TET2: variants seen among roughly 807,000 people sequenced by gnomAD.
TET2 encodes methylcytosine dioxygenase TET2.
TET2 carries 299 observed loss-of-function variants against 142.9 expected under a neutral mutation model. The observed-to-expected ratio is 2.09, with a 90% CI of 1.90 to 2.30. The LOEUF is 2.30. Among genes scored for constraint, TET2 ranks in the 30% most tolerant of loss-of-function variants. TET2 has a pLI of 0.00. For synonymous variants in TET2, 819 were observed against 849.0 expected (o/e 0.96, Z 0.61); for missense variants, 2,418 against 2,378.0 (o/e 1.02, Z -0.35).
At chr4:105,194,387 A>C (rs894435717) in intron 2 of TET2, among the ~76,000 whole-genome samples, 5 of 152,124 alleles carry the variant, frequency 3.3e-5, no homozygotes, top group African/African-American at 1.2e-4. Context: ...TCAGTAGTAT[A>C]AGGAGGAATG....
intron 2 of TET2, among the ~76,000 whole-genome samples, chr4:105,198,434 T>C (rs922436084): frequency 6.6e-6 from 1 of 152,226 alleles, no homozygotes; most frequent in Non-Finnish European, 1.5e-5. Flanking sequence ...AAATATATTT[T>C]TTAAAACTTA....
chr4:105,260,465 A>G (rs1203227524), intron 7 of TET2, among the ~76,000 whole-genome samples: 1 of 151,978 alleles, frequency 6.6e-6, no homozygotes, highest in Non-Finnish European at 1.5e-5. Context: ...CCTAAAGTAA[A>G]AAAAAAACGA....
At position 105,275,052 on chromosome 4, in the gene TET2, T is replaced by C. The variant is rs1217943123; in HGVS notation, c.4542T>C (p.Leu1514=). ...NASQAKQLAE[L]LRLSGPVMQQ... ...TCTCTCTTACCCTGTCCACAGAACTTTTGCGACTTTCAGGACCAGTCATGC... is the reference window on the plus strand; with the variant it reads ...TCTCTCTTACCCTGTCCACAGAACTCTTGCGACTTTCAGGACCAGTCATGC... Residue 1514 remains leucine, a synonymous_variant, in exon 11 of 11, where the codon CTT becomes CTC. Transcript: ENST00000380013. 3 of 1,525,312 alleles carry C rather than the reference T, an allele frequency of 2.0e-6. No homozygotes were observed. The highest frequency in any genetic ancestry group is 2.6e-6 in the Non-Finnish European group (3 of 1,135,924). The allele number at this position is 1,525,312 out of a possible 1,614,324, so 94.5% of individuals were successfully genotyped here.
chr4:105,261,818 GA>G lies in TET2; in HGVS notation c.4017del (p.Lys1339AsnfsTer24). ...LSTLMAPTYK[K>X]LAPDAYNNQI... ...CCACTCTTATGGCACCAACATATAA[GA>G]AACTTGCACCTGATGCATATAATAA... is the stretch of plus-strand genomic sequence containing the variant. On this transcript the variant is annotated frameshift_variant, in exon 8 of 11. Coordinates refer to ENST00000380013, the MANE Select transcript of TET2 (RefSeq NM_001127208.3). LOFTEE classifies it high-confidence loss of function. 6.5e-7 allele frequency: 1 copy of G among 1,549,040 alleles called. No homozygotes were observed. Among genetic ancestry groups the G allele is most frequent in the Non-Finnish European group, 8.7e-7 (1 of 1,145,382 alleles).
At chr4:105,240,214 C>A in intron 3 of TET2, 1 of 353,768 alleles carries the variant, frequency 2.8e-6, no homozygotes, top group Non-Finnish European at 4.6e-6. Flanking sequence ...AAAAATGACA[C>A]TGATAGACAT....
At chr4:105,160,101 G>C (rs1723774489) in intron 1 of TET2, among the ~76,000 whole-genome samples, 1 of 152,108 alleles carries the variant, frequency 6.6e-6, no homozygotes, top group Admixed American at 6.6e-5. Context: ...AAACACTCAA[G>C]AAAACTCTTG....
At chr4:105,201,621 T>C (rs1726472215) in intron 2 of TET2, among the ~76,000 whole-genome samples, 1 of 152,044 alleles carries the variant, frequency 6.6e-6, no homozygotes, top group African/African-American at 2.4e-5. Context: ...TAATTATAGA[T>C]TGTACTAAGC....
intron 2 of TET2, among the ~76,000 whole-genome samples, chr4:105,227,663 A>G (rs1180923917): frequency 2.6e-5 from 4 of 152,198 alleles, no homozygotes; most frequent in Non-Finnish European, 5.9e-5. Context: ...TGAGTCATTT[A>G]TAAGAGCAGA....
In TET2 at chr4:105,236,427, A is replaced by C. The variant is rs1728916520; in HGVS notation, c.2485A>C (p.Lys829Gln). The change falls in exon 3 of 11, where the codon AAA becomes CAA. Residue 829 changes from lysine (K) to glutamine (Q), a missense_variant. By Grantham distance (53) the Lys-to-Gln change is moderately conservative (BLOSUM62 1). Transcript: ENST00000380013. ...YSQTMKSSAC[K>Q]IQVSCSNNTH... ...TCAGACCATGAAATCAAGTGCATGC[A>C]AAATACAGGTTTCTTGTTCAAACAA... 1.2e-6 allele frequency: 2 copies of C among 1,614,118 alleles called. No individual in the cohort carries two copies. Among genetic ancestry groups the C allele is most frequent in the Non-Finnish European group, 1.7e-6 (2 of 1,180,014 alleles).
At chr4:105,220,638 G>T (rs1727759682) in intron 2 of TET2, among the ~76,000 whole-genome samples, 1 of 152,140 alleles carries the variant, frequency 6.6e-6, no homozygotes, top group African/African-American at 2.4e-5. Context: ...AACAAGACTG[G>T]AGGACTTTGG....
At chr4:105,183,324 T>C (rs1490280021) in intron 1 of TET2, among the ~76,000 whole-genome samples, 1 of 152,168 alleles carries the variant, frequency 6.6e-6, no homozygotes, top group African/African-American at 2.4e-5. Flanking sequence ...TATAGTTATA[T>C]ATTACAATGT....
intron 2 of TET2, among the ~76,000 whole-genome samples, chr4:105,191,598 A>G (rs905104316): frequency 2.4e-4 from 36 of 152,158 alleles, no homozygotes; most frequent in African/African-American, 8.7e-4. Flanking sequence ...CAAATCTTCT[A>G]ATAAGCCTGT....
chr4:105,264,299 C>T (rs2726461), intron 8 of TET2, among the ~76,000 whole-genome samples: 123,661 of 152,060 alleles, frequency 0.81, 50,982 homozygotes, highest in African/African-American at 0.94. Flanking sequence ...TTGATACTGT[C>T]GTAAAAGTTT....
At chr4:105,245,526 C>G (rs1729543145) in intron 6 of TET2, among the ~76,000 whole-genome samples, 1 of 152,066 alleles carries the variant, frequency 6.6e-6, no homozygotes, top group South Asian at 2.1e-4. Flanking sequence ...GACAGGGTTT[C>G]TCCATGTTGA....
chr4:105,250,380 ATTTTTTTTTTTTTTTTTTT>A (rs59695275), intron 6 of TET2, among the ~76,000 whole-genome samples: 1 of 60,276 alleles, frequency 1.7e-5, no homozygotes, highest in African/African-American at 7.2e-5. Flanking sequence ...TCCTTTCTGG[ATTTTTTTTTTTTTTTTTTT>A]TTTTTTTTTT....
At chr4:105,194,154 T>C (rs190942001) in intron 2 of TET2, among the ~76,000 whole-genome samples, 56 of 152,300 alleles carry the variant, frequency 3.7e-4, no homozygotes, top group Non-Finnish European at 7.6e-4. Flanking sequence ...TAGTGGTTTG[T>C]ATTTTGCTGG....
chr4:105,267,083 C>G (rs1730715682), intron 8 of TET2, among the ~76,000 whole-genome samples: 1 of 151,352 alleles, frequency 6.6e-6, no homozygotes, highest in Admixed American at 6.6e-5. Flanking sequence ...GTAAGAGAAA[C>G]ATCTTTAACA....
intron 2 of TET2, among the ~76,000 whole-genome samples, chr4:105,227,091 T>C (rs1475161255): frequency 2.0e-5 from 3 of 152,202 alleles, no homozygotes; most frequent in Non-Finnish European, 2.9e-5. Flanking sequence ...CTTTCAGGAA[T>C]TGCATGAGCT....
chr4:105,236,663 T>TG lies in TET2; in HGVS notation c.2723dup (p.Gln909SerfsTer15). ...ATAAAAATAGAAACCAAGATATGTCTGGTCAACAAGCTGCGCAACTTGCTC... is the reference window on the plus strand; with the variant it reads ...ATAAAAATAGAAACCAAGATATGTCTGGGTCAACAAGCTGCGCAACTTGCTC... On this transcript the variant is annotated frameshift_variant, in exon 3 of 11. Coordinates refer to ENST00000380013, the MANE Select transcript of TET2 (RefSeq NM_001127208.3). LOFTEE classifies it high-confidence loss of function. 6.2e-7 allele frequency: 1 copy of TG among 1,614,090 alleles called. No individual in the cohort carries two copies. The highest frequency in any genetic ancestry group is 8.5e-7 in the Non-Finnish European group (1 of 1,180,010).
Sources: allele counts gnomAD v4.1 joint callset (sites outside exome capture counted in the v4.1 genomes callset), GRCh38; gene constraint gnomAD v4.1.1; transcripts MANE v1.5; gene names NCBI Gene and HGNC (gene_info 2026-07-23, HGNC 2026-07-21).